CASP6: variants seen among roughly 807,000 people sequenced by gnomAD.
CASP6 encodes caspase 6, also known as caspase-6.
CASP6 carries 20 observed loss-of-function variants against 31.8 expected under a neutral mutation model. The observed-to-expected ratio is 0.63, with a 90% confidence interval of 0.44 to 0.91. The LOEUF is 0.91. CASP6 is among the 40% of genes least tolerant of loss of function. The probability of loss-of-function intolerance (pLI) is 0.00; values close to 1 mark genes in which losing one functional copy is unlikely to be tolerated. For missense variants in CASP6, 328 were observed against 361.1 expected (o/e 0.91, Z 0.74); for synonymous variants, 130 against 127.8 (o/e 1.02, Z -0.12).
chr4:109,682,733 C>T, the CASP6 span: 2 of 1,612,812 alleles, frequency 1.2e-6, no homozygotes, highest in Admixed American at 3.3e-5. Context: ...AGCTGCAGCC[C>T]CTTGAACAGG....
rs768947292 is a variant in CASP6, at chr4:109,703,350, G to A, written c.40+6C>T. 4.4e-6 allele frequency: 7 copies of A among 1,608,796 alleles called. No individual in the cohort carries two copies. The East Asian group carries it at 1.6e-4, about 36-fold the overall frequency. ...GCTCGGTGCCCAGTCGACGCCCCCT[G>A]CCTACCTGCCGGGTGCCCCCTGCGG... On this transcript the variant is annotated splice_donor_region_variant and intron_variant, in intron 1 of 6. Coordinates refer to ENST00000265164, the MANE Select transcript of CASP6 (RefSeq NM_001226.4).
intron 1 of CASP6, among the ~76,000 whole-genome samples, chr4:109,701,127 T>C (rs1019659932): frequency 6.6e-6 from 1 of 151,972 alleles, no homozygotes; most frequent in Non-Finnish European, 1.5e-5. Flanking sequence ...CCAGCTACTT[T>C]TTTTTTGTAT....
the CASP6 span, among the ~76,000 whole-genome samples, chr4:109,674,349 T>C: frequency 6.6e-6 from 1 of 152,224 alleles, no homozygotes; most frequent in Non-Finnish European, 1.5e-5. Context: ...AACTTAAACA[T>C]GTCACCTAAA....
intron 1 of CASP6, among the ~76,000 whole-genome samples, chr4:109,701,048 T>C (rs1730407724): frequency 6.6e-6 from 1 of 151,988 alleles, no homozygotes; most frequent in Non-Finnish European, 1.5e-5. Context: ...AACCTCCGCC[T>C]CCGGGTTCAA....
chr4:109,701,375 T>C (rs1353905553), intron 1 of CASP6, among the ~76,000 whole-genome samples: 1 of 152,190 alleles, frequency 6.6e-6, no homozygotes, highest in Non-Finnish European at 1.5e-5. Context: ...TTCCTTTTCA[T>C]CTGCAATCTA....
intron 5 of CASP6, among the ~76,000 whole-genome samples, chr4:109,693,500 CA>C (rs1730138713): frequency 6.6e-6 from 1 of 151,996 alleles, no homozygotes; most frequent in Admixed American, 6.5e-5. Flanking sequence ...CCACACTAGC[CA>C]ACATGGTGAA....
At chr4:109,685,385 C>CT (rs1412197752), downstream of CASP6, 1 of 1,057,854 alleles carries the variant, frequency 9.5e-7, no homozygotes, top group Non-Finnish European at 1.5e-6. Flanking sequence ...ACAAATACAT[C>CT]TTATAGCTGG....
chr4:109,671,662 A>T, the CASP6 span, among the ~76,000 whole-genome samples: 1 of 152,226 alleles, frequency 6.6e-6, no homozygotes, highest in South Asian at 2.1e-4. Context: ...CTTTAATCAT[A>T]GTTGCTTTAC....
intron 1 of CASP6, among the ~76,000 whole-genome samples, chr4:109,701,438 T>C (rs965415902): frequency 2.0e-5 from 3 of 151,988 alleles, no homozygotes; most frequent in African/African-American, 7.2e-5. Context: ...CTTTTCACTT[T>C]TTTTTTTTGA....
chr4:109,689,412 G>C lies in CASP6; in HGVS notation c.800C>G (p.Pro267Arg). Reference protein sequence around the residue: ...SQRRVDFCKDPSAIGKKQVPC... With the variant: ...SQRRVDFCKDRSAIGKKQVPC... ...AACCTGCTTCTTTCCAATTGCACTT[G>C]GGTCTTTGCAAAAGTCCACTCGGCG... The change falls in exon 7 of 7, where the codon CCA becomes CGA. Residue 267 changes from proline (P) to arginine (R), a missense_variant. Transcript: ENST00000265164. The C allele has an allele frequency of 6.2e-7, 1 of 1,614,200 alleles. No homozygotes were observed. Among genetic ancestry groups the C allele is most frequent in the South Asian group, 1.1e-5 (1 of 91,080 alleles).
the CASP6 span, among the ~76,000 whole-genome samples, chr4:109,680,131 C>G: frequency 1.2e-4 from 18 of 152,230 alleles, no homozygotes; most frequent in Admixed American, 7.8e-4. Context: ...TCACCCAGAC[C>G]TGTCTTCTCA....
At chr4:109,673,743 C>T in the CASP6 span, 1 of 531,342 alleles carries the variant, frequency 1.9e-6, no homozygotes, top group Non-Finnish European at 3.3e-6. Flanking sequence ...AAGGAAGACA[C>T]ATAAATGAGA....
chr4:109,696,947 G>A lies in CASP6; in HGVS notation c.231-461C>T, dbSNP rs1188480898. On this transcript the variant is annotated intron_variant, in intron 3 of 6. Coordinates refer to ENST00000265164, the MANE Select transcript of CASP6 (RefSeq NM_001226.4). ...ACTACAGGCTCCCACCACCACGCCC[G>A]GCTAATTTTTTGTATTTTTTAGGAG... Among the ~76,000 whole-genome samples the A allele has an allele frequency of 3.3e-5, 5 of 151,808 alleles. No homozygotes were observed. The East Asian group carries it at 5.9e-4, about 18-fold the overall frequency.
the CASP6 span, among the ~76,000 whole-genome samples, chr4:109,677,802 A>ATTTTTTTTTT: frequency 1.2e-5 from 1 of 86,606 alleles, no homozygotes; most frequent in African/African-American, 4.7e-5. Context: ...AAGGAAACAA[A>ATTTTTTTTTT]TTTTTTTTTT....
At chr4:109,664,746 T>G in the CASP6 span, among the ~76,000 whole-genome samples, 1 of 152,150 alleles carries the variant, frequency 6.6e-6, no homozygotes, top group South Asian at 2.1e-4. Context: ...AAAACCAGTG[T>G]TTAAGCTTTT....
chr4:109,699,269 C>T (rs1179728839), intron 1 of CASP6, among the ~76,000 whole-genome samples: 1 of 152,074 alleles, frequency 6.6e-6, no homozygotes, highest in African/African-American at 2.4e-5. Context: ...CAAGATGCAC[C>T]CTTCAGTTGA....
the CASP6 span, among the ~76,000 whole-genome samples, chr4:109,672,692 G>A: frequency 5.3e-5 from 8 of 152,254 alleles, no homozygotes; most frequent in East Asian, 1.5e-3. Context: ...TCTAGATCAG[G>A]CAAGAGCCAT....
upstream of CASP6, among the ~76,000 whole-genome samples, chr4:109,707,095 T>G (rs1053464859): frequency 2.0e-5 from 3 of 152,216 alleles, no homozygotes; most frequent in African/African-American, 7.2e-5. Context: ...AAAATTAAGG[T>G]ATATACATTA....
At chr4:109,707,422 T>C (rs1730642685), upstream of CASP6, among the ~76,000 whole-genome samples, 1 of 151,592 alleles carries the variant, frequency 6.6e-6, no homozygotes, top group Non-Finnish European at 1.5e-5. Flanking sequence ...GTTTAGCTGT[T>C]GTTGCCCAGG....
Sources: allele counts gnomAD v4.1 joint callset (sites outside exome capture counted in the v4.1 genomes callset), GRCh38; gene constraint gnomAD v4.1.1; transcripts MANE v1.5; gene names NCBI Gene and HGNC (gene_info 2026-07-23, HGNC 2026-07-21).